FBXO24: variants seen among roughly 807,000 people sequenced by gnomAD.
The protein encoded by FBXO24 is F-box protein 24, also known as F-box only protein 24.
Under a neutral mutation model 63.5 loss-of-function variants are expected in FBXO24, and 30 were observed. The ratio of observed to expected loss-of-function variants is 0.47; its 90% CI spans 0.35 to 0.64. The LOEUF is 0.64. FBXO24 is among the 30% of genes least tolerant of loss of function. The pLI, the probability that FBXO24 is intolerant of heterozygous loss-of-function variation, is 0.00. For missense variants in FBXO24, 624 were observed against 763.4 expected, an observed-to-expected ratio of 0.82 and a Z score of 2.15; for synonymous variants, 300 against 305.0, an observed-to-expected ratio of 0.98 and a Z score of 0.17.
In FBXO24 at chr7:100,590,241, T is replaced by G. The variant is rs373143876; in HGVS notation, c.206T>G (p.Phe69Cys). 3.7e-6 allele frequency: 6 copies of G among 1,614,030 alleles called. No homozygotes were observed. In the African/African-American group the frequency reaches 8.0e-5, roughly 22 times the overall value. ...GCCCTCGGCCAGACCTGCCGCTACTTCCACGAAGTGTGCGATGGGGAAGGC... is the reference window on the plus strand; with the variant it reads ...GCCCTCGGCCAGACCTGCCGCTACTGCCACGAAGTGTGCGATGGGGAAGGC... ...LVALGQTCRY[F>C]HEVCDGEGVW... The change falls in exon 3 of 10, where the codon TTC becomes TGC. Residue 69 changes from phenylalanine to cysteine, a missense_variant. Physicochemically the swap from Phe to Cys is radical, Grantham distance 205. This residue lies in a region of FBXO24 where 391 missense variants were observed against 469.1 expected (regional missense o/e 0.83). Coordinates refer to ENST00000241071, the MANE Select transcript of FBXO24 (RefSeq NM_033506.3).
At position 100,594,481 on chromosome 7, in the gene FBXO24, C is replaced by T. The variant is rs1325954563; in HGVS notation, c.892C>T (p.Leu298=). 2 of 1,613,602 alleles carry T rather than the reference C, an allele frequency of 1.2e-6. No homozygotes were observed. The highest frequency in any genetic ancestry group is 1.7e-4 in the Middle Eastern group (1 of 6,040). ...GGCCCTGAGGAAGGTGTCCCACTACCTGCCTCACCTGCGCGTGGCCTGCAT... is the reference window on the plus strand; with the variant it reads ...GGCCCTGAGGAAGGTGTCCCACTACTTGCCTCACCTGCGCGTGGCCTGCAT... ...QLALRKVSHY[L]PHLRVACMTS... Residue 298 remains leucine, a synonymous_variant, in exon 6 of 10, where the codon CTG becomes TTG. Transcript: ENST00000241071. This position sits in a 1 kb window ranked among gnomAD's most constrained non-coding sequence, Gnocchi z 4.2.
chr7:100,593,755 C>T (rs1256759468), intron 5 of FBXO24, among the ~76,000 whole-genome samples: 1 of 149,480 alleles, frequency 6.7e-6, no homozygotes, highest in Admixed American at 6.7e-5. Flanking sequence ...CGAGATTATG[C>T]CACTGCACTC....
chr7:100,599,067 A>T (rs1802452472), intron 8 of FBXO24, among the ~76,000 whole-genome samples: 1 of 151,972 alleles, frequency 6.6e-6, no homozygotes, highest in East Asian at 1.9e-4. Context: ...CTATCTCTAT[A>T]GAAAATTTAA....
Position 100,590,357 on chromosome 7 carries a change from T to C in FBXO24, c.322T>C (p.Tyr108His). Residue 108 changes from tyrosine to histidine, a missense_variant and splice_region_variant, in exon 3 of 10, where the codon TAC becomes CAC. Coordinates refer to ENST00000241071, the MANE Select transcript of FBXO24 (RefSeq NM_033506.3). ...RPWKRAAILN[Y>H]TKGLYFQAFG... ...CTGGAAGAGAGCTGCCATTCTGAAC[T>C]GTACACCTTCCCCAGAACCTCCCGT... 1 of 1,607,676 alleles carries C rather than the reference T, an allele frequency of 6.2e-7. No homozygotes were observed. Among genetic ancestry groups the C allele is most frequent in the Non-Finnish European group, 8.5e-7 (1 of 1,175,864 alleles).
At chr7:100,598,817 A>C (rs1453988656) in intron 8 of FBXO24, among the ~76,000 whole-genome samples, 1 of 151,980 alleles carries the variant, frequency 6.6e-6, no homozygotes, top group African/African-American at 2.4e-5. Context: ...TCTCTACTAA[A>C]ATACAAAAGA....
intron 5 of FBXO24, among the ~76,000 whole-genome samples, chr7:100,593,639 A>AG (rs1438766533): frequency 4.0e-5 from 6 of 151,002 alleles, no homozygotes; most frequent in Admixed American, 6.6e-5. Flanking sequence ...AAAAAAAAAA[A>AG]AAAAAAAATT....
At position 100,592,978 on chromosome 7, in the gene FBXO24, G is replaced by C; in HGVS notation, c.754G>C (p.Val252Leu). 1.2e-6 allele frequency: 2 copies of C among 1,614,138 alleles called. No homozygotes were observed. The highest frequency in any genetic ancestry group is 1.7e-6 in the Non-Finnish European group (2 of 1,180,030). Reference sequence around the variant, plus strand: ...AATGACCTTCAAGCAGATCGTGCTGGTTGGTCAGGAGACCCAGCGGGCTCT... The same window carrying C: ...AATGACCTTCAAGCAGATCGTGCTGCTTGGTCAGGAGACCCAGCGGGCTCT... The part of the protein sequence containing the change: ...HSMTFKQIVL[V>L]GQETQRALLL... Residue 252 changes from valine to leucine, a missense_variant, in exon 5 of 10, where the codon GTT (valine) becomes CTT (leucine). By Grantham distance (32) the Val-to-Leu change is conservative. Coordinates refer to ENST00000241071, the MANE Select transcript of FBXO24 (RefSeq NM_033506.3).
intron 1 of FBXO24, among the ~76,000 whole-genome samples, chr7:100,588,044 G>A (rs1801839620): frequency 6.6e-6 from 1 of 151,618 alleles, no homozygotes; most frequent in South Asian, 2.1e-4. Context: ...CACCATGCCA[G>A]CTAATTGTAT....
chr7:100,597,148 C>T (rs1376680384), intron 8 of FBXO24, among the ~76,000 whole-genome samples: 1 of 152,184 alleles, frequency 6.6e-6, no homozygotes, highest in Non-Finnish European at 1.5e-5. Flanking sequence ...TGAAAAGCAA[C>T]TCTGAGAAGT....
intron 4 of FBXO24, among the ~76,000 whole-genome samples, chr7:100,592,501 G>A (rs568816968): frequency 2.0e-5 from 3 of 152,234 alleles, no homozygotes; most frequent in East Asian, 3.9e-4. Context: ...AATTGCCCCC[G>A]TGAGCCAATC....
chr7:100,590,328 G>C lies in FBXO24; in HGVS notation c.293G>C (p.Arg98Pro). 1.9e-6 allele frequency: 3 copies of C among 1,613,810 alleles called. No homozygotes were observed. The highest frequency in any genetic ancestry group is 2.5e-6 in the Non-Finnish European group (3 of 1,179,844). The change falls in exon 3 of 10, where the codon CGG (arginine) becomes CCG (proline). Residue 98 changes from arginine to proline, a missense_variant. Physicochemically the swap from Arg to Pro is moderately radical, Grantham distance 103. Around this residue, in one of 3 missense-constraint regions of FBXO24, gnomAD observed 391 missense variants for 469.1 expected, o/e 0.83. Coordinates refer to ENST00000241071, the MANE Select transcript of FBXO24 (RefSeq NM_033506.3). ...PRLQDQGSGV[R>P]PWKRAAILNY... ...CTCCAAGATCAGGGTTCTGGAGTCC[G>C]GCCCTGGAAGAGAGCTGCCATTCTG... is the stretch of plus-strand genomic sequence containing the variant.
chr7:100,595,498 G>C (rs942710030), intron 7 of FBXO24, 77 bp from the exon 8 acceptor site: 8 of 1,480,136 alleles, frequency 5.4e-6, no homozygotes, highest in Non-Finnish European at 7.2e-6. Context: ...TGGCAGGTTA[G>C]TGGCTTGGAG....
intron 4 of FBXO24, 27 bp from the exon 5 acceptor site, chr7:100,592,756 C>T (rs1194371861): frequency 1.9e-6 from 3 of 1,590,050 alleles, no homozygotes; most frequent in East Asian, 2.2e-5. Context: ...AACTCTAGAT[C>T]CCAGACGCCC....
chr7:100,600,168 G>A lies in FBXO24; in HGVS notation c.1344G>A (p.Lys448=). 1 of 1,583,036 alleles carries A rather than the reference G, an allele frequency of 6.3e-7. No homozygotes were observed. Among genetic ancestry groups the A allele is most frequent in the Non-Finnish European group, 8.6e-7 (1 of 1,164,572 alleles). The change falls in exon 9 of 10, where the codon AAG becomes AAA. Residue 448 remains lysine (K), a synonymous_variant. Transcript: ENST00000241071. The surrounding 1 kb of genome is among the most constrained non-coding windows in gnomAD (Gnocchi z 6.3). ...GGGGCCGCCTCCCAGGCTGGCCCAAGGGGAGTGCCTCCTTCGTCAAGCTCC... is the reference window on the plus strand; with the variant it reads ...GGGGCCGCCTCCCAGGCTGGCCCAAAGGGAGTGCCTCCTTCGTCAAGCTCC... ...GAGGRLPGWP[K]GSASFVKLQV...
intron 5 of FBXO24, among the ~76,000 whole-genome samples, chr7:100,593,242 C>T (rs924805101): frequency 7.2e-5 from 11 of 152,120 alleles, no homozygotes; most frequent in African/African-American, 2.7e-4. Flanking sequence ...CACCTGTAAC[C>T]CCAGCACTTT....
At chr7:100,597,092 A>G (rs953346570) in intron 8 of FBXO24, among the ~76,000 whole-genome samples, 2 of 152,192 alleles carry the variant, frequency 1.3e-5, no homozygotes, top group Non-Finnish European at 2.9e-5. Flanking sequence ...CTAGCTGGCA[A>G]TTAGATTCTA....
intron 1 of FBXO24, 162 bp downstream of exon 1, chr7:100,586,826 C>T (rs1801782197): frequency 4.0e-6 from 3 of 754,666 alleles, no homozygotes; most frequent in Non-Finnish European, 4.6e-6. Flanking sequence ...GAGGCCAGTG[C>T]ACTGGCGGTT....
In FBXO24 at chr7:100,586,640, G is replaced by A. The variant is rs569080521; in HGVS notation, c.15G>A (p.Ala5=). The change falls in exon 1 of 10, where the codon GCG becomes GCA. Residue 5 remains alanine, a synonymous_variant. Transcript: ENST00000241071. MGEK[A]VPLLRRRRVK... Reference sequence around the variant, plus strand: ...CTACCAATAGCATGGGCGAGAAGGCGGTCCCTTTGCTAAGGAGGAGGCGGG... The same window carrying A: ...CTACCAATAGCATGGGCGAGAAGGCAGTCCCTTTGCTAAGGAGGAGGCGGG... 5.6e-6 allele frequency: 9 copies of A among 1,614,214 alleles called. No individual in the cohort carries two copies. The highest frequency in any genetic ancestry group is 7.6e-6 in the Non-Finnish European group (9 of 1,180,000).
intron 8 of FBXO24, among the ~76,000 whole-genome samples, chr7:100,596,858 C>T (rs960071620): frequency 2.6e-5 from 4 of 152,118 alleles, no homozygotes; most frequent in African/African-American, 9.7e-5. Context: ...GCCTGGACAA[C>T]ATGGTGAAAC....
Sources: gnomAD v4.1 joint callset for allele counts (sites outside exome capture counted in the v4.1 genomes callset) on GRCh38, gnomAD v4.1.1 for gene constraint, gnomAD v4.1.1 regional missense constraint, Gnocchi (gnomAD v3.1) non-coding constraint, MANE v1.5 for transcripts, NCBI Gene and HGNC (gene_info 2026-07-23, HGNC 2026-07-21) for gene names.